KSR2: variants seen among roughly 807,000 people sequenced by gnomAD.
KSR2 encodes kinase suppressor of ras 2.
Under a neutral mutation model 107.8 loss-of-function variants are expected in KSR2, and 25 were observed. The ratio of observed to expected loss-of-function variants is 0.23; its 90% CI spans 0.17 to 0.32. The LOEUF is 0.32. Among genes scored for constraint, KSR2 ranks in the 10% least tolerant of loss-of-function variants. The probability of loss-of-function intolerance (pLI) is 1.00; values close to 1 mark genes in which losing one functional copy is unlikely to be tolerated. For missense variants in KSR2, 887 were observed against 1,268.9 expected (o/e 0.70, Z 4.57); for synonymous variants, 480 against 507.0 (o/e 0.95, Z 0.71).
At chr12:117,467,314 G>A in intron 19 of KSR2, 109 bp from the exon 20 acceptor site, 2 of 554,836 alleles carry the variant, frequency 3.6e-6, no homozygotes, top group African/African-American at 1.9e-5. Context: ...GAGATGAACT[G>A]TTCCTGTCTT....
intron 1 of KSR2, among the ~76,000 whole-genome samples, chr12:117,865,443 G>A (rs1893437608): frequency 6.6e-6 from 1 of 152,152 alleles, no homozygotes; most frequent in African/African-American, 2.4e-5. Flanking sequence ...GTATGCCTAT[G>A]TTGTATTTCA....
chr12:117,963,147 G>A (rs764066403), intron 1 of KSR2, among the ~76,000 whole-genome samples: 44 of 151,692 alleles, frequency 2.9e-4, no homozygotes, highest in African/African-American at 8.7e-4. Flanking sequence ...CCGAGATCAC[G>A]CCACTGCACT....
intron 3 of KSR2, among the ~76,000 whole-genome samples, chr12:117,851,237 G>A (rs1275641415): frequency 2.6e-5 from 4 of 152,176 alleles, no homozygotes; most frequent in African/African-American, 7.2e-5. Flanking sequence ...TCCAGAGGGA[G>A]GCCTATGTGG....
intron 4 of KSR2, among the ~76,000 whole-genome samples, chr12:117,731,664 G>A (rs1159446921): frequency 2.6e-5 from 4 of 151,958 alleles, no homozygotes; most frequent in East Asian, 1.9e-4. Flanking sequence ...AGGTAGACAT[G>A]GGAGACTCCA....
chr12:117,548,825 G>A (rs943889805), intron 9 of KSR2, among the ~76,000 whole-genome samples: 3 of 152,136 alleles, frequency 2.0e-5, no homozygotes, highest in Non-Finnish European at 4.4e-5. Context: ...GAGAGTCTCT[G>A]AGAAAGGGAA....
chr12:117,855,827 G>A (rs544584044), intron 2 of KSR2, among the ~76,000 whole-genome samples: 28 of 152,242 alleles, frequency 1.8e-4, no homozygotes, highest in Middle Eastern at 3.4e-3. Flanking sequence ...GCAAGGTAGC[G>A]CAGGTGCTTA....
rs1443761899 is a variant in KSR2 at position 117,968,939 on chromosome 12, G to A, written c.-684C>T. On this transcript the variant is annotated 5_prime_UTR_variant, in exon 1 of 20. Coordinates refer to ENST00000339824, the MANE Select transcript of KSR2 (RefSeq NM_173598.6). ...CCGCCGCCGGGCTCCGGGGGTGACG[G>A]TTGCTGCAATCGCTCCTGCCTCGCT... 8.5e-6 allele frequency: 2 copies of A among 235,146 alleles called. No homozygotes were observed. Among genetic ancestry groups the A allele is most frequent in the Non-Finnish European group, 8.6e-6 (1 of 115,918 alleles). The allele number at this position is 235,146 out of a possible 1,614,324, so 14.6% of individuals were successfully genotyped here.
intron 3 of KSR2, among the ~76,000 whole-genome samples, chr12:117,770,035 C>T (rs1889380162): frequency 6.8e-6 from 1 of 147,612 alleles, no homozygotes; most frequent in Non-Finnish European, 1.5e-5. Flanking sequence ...GCCTGGATGA[C>T]AAGAGTGAAA....
intron 7 of KSR2, among the ~76,000 whole-genome samples, chr12:117,578,817 C>T (rs1488506013): frequency 1.3e-5 from 2 of 152,096 alleles, no homozygotes; most frequent in East Asian, 1.9e-4. Context: ...CTGGTCAACT[C>T]GAGTAAGAAT....
chr12:117,739,785 G>A (rs1888101455), intron 4 of KSR2, among the ~76,000 whole-genome samples: 1 of 152,034 alleles, frequency 6.6e-6, no homozygotes, highest in Non-Finnish European at 1.5e-5. Flanking sequence ...AGGGGTGCTG[G>A]GAGTTGAAAT....
intron 5 of KSR2, among the ~76,000 whole-genome samples, chr12:117,606,431 C>T (rs12422536): frequency 0.013 from 91 of 7,232 alleles, no homozygotes; most frequent in African/African-American, 0.022. Context: ...CCTCCTTCCT[C>T]CCTCCCTCCC....
At chr12:117,885,273 C>A (rs895913637) in intron 1 of KSR2, among the ~76,000 whole-genome samples, 1 of 152,164 alleles carries the variant, frequency 6.6e-6, no homozygotes, top group African/African-American at 2.4e-5. Flanking sequence ...GTGCTTTCTA[C>A]GTAGAAGGCA....
Position 117,484,567 on chromosome 12 carries a change from C to A in KSR2, c.2317-18G>T. 3 of 1,612,756 alleles carry A rather than the reference C, an allele frequency of 1.9e-6. No individual in the cohort carries two copies. The highest frequency in any genetic ancestry group is 2.5e-6 in the Non-Finnish European group (3 of 1,179,142). ...CCCATGCCCTGCAAGAAGCAAGGAA[C>A]AGAGAGTTGCCAGAGAAAAACCTAA... On this transcript the variant is annotated intron_variant, in intron 15 of 19. Transcript: ENST00000339824.
intron 16 of KSR2, among the ~76,000 whole-genome samples, chr12:117,481,252 G>C (rs780658691): frequency 2.0e-4 from 30 of 152,066 alleles, no homozygotes; most frequent in Admixed American, 1.5e-3. Context: ...TCTATCTCAA[G>C]GTATTATAGA....
chr12:117,479,637 T>C (rs1027213393), intron 16 of KSR2, among the ~76,000 whole-genome samples: 9 of 152,178 alleles, frequency 5.9e-5, no homozygotes, highest in African/African-American at 1.9e-4. Context: ...GAATCACTGT[T>C]CTAATTTATA....
chr12:117,851,199 A>G (rs1046223509), intron 3 of KSR2, among the ~76,000 whole-genome samples: 4 of 152,198 alleles, frequency 2.6e-5, no homozygotes, highest in African/African-American at 9.7e-5. Flanking sequence ...AGGACATAGA[A>G]GACTGAGTCT....
At chr12:117,689,920 G>A (rs1281430426) in intron 4 of KSR2, among the ~76,000 whole-genome samples, 1 of 152,006 alleles carries the variant, frequency 6.6e-6, no homozygotes, top group Non-Finnish European at 1.5e-5. Flanking sequence ...CAGTGAAAAT[G>A]CCTAGCATGT....
chr12:117,683,856 C>A (rs1293802254), intron 4 of KSR2, among the ~76,000 whole-genome samples: 1 of 152,240 alleles, frequency 6.6e-6, no homozygotes, highest in Admixed American at 6.5e-5. Flanking sequence ...TTGCAAGTCA[C>A]TTGCTCTCTA....
chr12:117,479,648 C>T (rs1304377436), intron 16 of KSR2, among the ~76,000 whole-genome samples: 1 of 152,154 alleles, frequency 6.6e-6, no homozygotes, highest in African/African-American at 2.4e-5. Flanking sequence ...CTAATTTATA[C>T]AAAATACGGA....
Sources: allele counts gnomAD v4.1 joint callset (sites outside exome capture counted in the v4.1 genomes callset), GRCh38; gene constraint gnomAD v4.1.1; transcripts MANE v1.5; gene names NCBI Gene and HGNC (gene_info 2026-07-23, HGNC 2026-07-21).